PHAF1: variants seen among roughly 807,000 people sequenced by gnomAD.
The protein encoded by PHAF1 is phagosome assembly factor 1.
Under a neutral mutation model 63.1 loss-of-function variants are expected in PHAF1, and 23 were observed. The observed-to-expected ratio is 0.36, with a 90% CI of 0.26 to 0.52. The LOEUF (loss-of-function observed/expected upper bound fraction) is 0.52. Ranked by LOEUF, PHAF1 falls within the 20% of genes least tolerant of loss-of-function variation. The probability of loss-of-function intolerance (pLI) is 0.93; values close to 1 mark genes in which losing one functional copy is unlikely to be tolerated. For synonymous variants in PHAF1, 167 were observed against 185.0 expected, an observed-to-expected ratio of 0.90 and a Z score of 0.79; for missense variants, 427 against 517.2, an observed-to-expected ratio of 0.83 and a Z score of 1.69.
chr16:67,131,537 ATG>A (rs751996159), intron 4 of PHAF1, among the ~76,000 whole-genome samples: 1 of 152,250 alleles, frequency 6.6e-6, no homozygotes, highest in Non-Finnish European at 1.5e-5. Context: ...TTAACACTTC[ATG>A]TATATGTCAT....
In PHAF1 at chr16:67,110,143, A is replaced by G. The variant is rs764281860; in HGVS notation, c.-33A>G. On this transcript the variant is annotated 5_prime_UTR_variant, in exon 1 of 16. Coordinates refer to ENST00000219139, the MANE Select transcript of PHAF1 (RefSeq NM_025187.5). ...GCTCGGGTCCCTTCTGCGCTGCCGC[A>G]GGGAGGCCGCCCGGGCCAGGCGAGC... 5.8e-6 allele frequency: 9 copies of G among 1,549,850 alleles called. No individual in the cohort carries two copies. The South Asian group carries it at 1.1e-4, about 18-fold the overall frequency.
At chr16:67,144,133 C>T (rs1354160850) in intron 10 of PHAF1, among the ~76,000 whole-genome samples, 161 bp from the exon 11 acceptor site, 1 of 152,026 alleles carries the variant, frequency 6.6e-6, no homozygotes, top group African/African-American at 2.4e-5. Flanking sequence ...CTAAAAGCTG[C>T]TTGGCCTGTC....
chr16:67,117,935 C>T (rs1162422316), intron 1 of PHAF1, among the ~76,000 whole-genome samples: 1 of 149,398 alleles, frequency 6.7e-6, no homozygotes, highest in Non-Finnish European at 1.5e-5. Flanking sequence ...ATGACAGGGG[C>T]ACACCATCAT....
At chr16:67,119,579 G>A in intron 1 of PHAF1, among the ~76,000 whole-genome samples, 1 of 150,878 alleles carries the variant, frequency 6.6e-6, no homozygotes, top group Non-Finnish European at 1.5e-5. Flanking sequence ...CGAGTGCAGT[G>A]GCGTGATCTT....
intron 3 of PHAF1, among the ~76,000 whole-genome samples, chr16:67,127,413 T>G (rs542236661): frequency 6.4e-4 from 98 of 152,346 alleles, no homozygotes; most frequent in African/African-American, 2.3e-3. Flanking sequence ...AGAATCAGTA[T>G]GTGGAATTAG....
At chr16:67,130,042 T>TTTTC (rs557950919) in intron 3 of PHAF1, among the ~76,000 whole-genome samples, 55 of 151,978 alleles carry the variant, frequency 3.6e-4, no homozygotes, top group African/African-American at 3.9e-4. Context: ...AAATAAGCTA[T>TTTTC]TTTCTTTCTT....
intron 3 of PHAF1, among the ~76,000 whole-genome samples, chr16:67,128,391 A>T (rs1337055830): frequency 6.6e-6 from 1 of 152,204 alleles, no homozygotes; most frequent in African/African-American, 2.4e-5. Flanking sequence ...AGTCTTCTGG[A>T]AACTGAGCAA....
intron 1 of PHAF1, among the ~76,000 whole-genome samples, chr16:67,118,749 G>A (rs1457891783): frequency 1.3e-5 from 2 of 150,526 alleles, no homozygotes; most frequent in African/African-American, 4.9e-5. Context: ...TGATTCTGGT[G>A]GATGAGTGAT....
chr16:67,120,149 G>A lies in PHAF1; in HGVS notation c.102G>A (p.Lys34=). ...PLAQAVAILQ[K]HCRIIKNVQV... is the part of the protein sequence containing the mutation. ...CTCAGGCAGTAGCCATTCTTCAGAA[G>A]CACTGTCGCATCATCAAAAACGTCC... Residue 34 remains lysine, a synonymous_variant, in exon 2 of 16, where the codon AAG becomes AAA. Coordinates refer to ENST00000219139, the MANE Select transcript of PHAF1 (RefSeq NM_025187.5). 6.2e-7 allele frequency: 1 copy of A among 1,614,078 alleles called. No individual in the cohort carries two copies. Among genetic ancestry groups the A allele is most frequent in the Non-Finnish European group, 8.5e-7 (1 of 1,179,976 alleles).
intron 1 of PHAF1, among the ~76,000 whole-genome samples, chr16:67,116,039 T>C (rs1962720039): frequency 6.6e-6 from 1 of 152,208 alleles, no homozygotes; most frequent in African/African-American, 2.4e-5. Flanking sequence ...AGAGAAGCCA[T>C]GCGGCCTTCC....
rs2030155401 is a variant in PHAF1 at position 67,147,037 on chromosome 16, C to A, written c.1183-8C>A. On this transcript the variant is annotated splice_polypyrimidine_tract_variant and splice_region_variant and intron_variant, in intron 15 of 15. Coordinates refer to ENST00000219139, the MANE Select transcript of PHAF1 (RefSeq NM_025187.5). Reference sequence around the variant, plus strand: ...CCCCCTTGACCCACTGTCCTCTTCTCACACCAGGTCATGCAGAACAACCAC... The same window carrying A: ...CCCCCTTGACCCACTGTCCTCTTCTAACACCAGGTCATGCAGAACAACCAC... The A allele has an allele frequency of 6.2e-7, 1 of 1,612,014 alleles. No homozygotes were observed.
chr16:67,117,824 T>G (rs569424239), intron 1 of PHAF1, among the ~76,000 whole-genome samples: 4 of 149,658 alleles, frequency 2.7e-5, no homozygotes, highest in African/African-American at 9.8e-5. Flanking sequence ...TTTTTTTTTT[T>G]CCTCCTGAGA....
In PHAF1 at chr16:67,121,582, CT is replaced by C. The variant is rs763354915; in HGVS notation, c.147+1403del. Among the ~76,000 whole-genome samples, 784 of 140,124 alleles carry C rather than the reference CT, an allele frequency of 5.6e-3. 9 individuals carry two copies. The highest frequency in any genetic ancestry group is 6.3e-3 in the Non-Finnish European group (403 of 63,820). The allele number at this position is 140,124 out of a possible 152,430, so 91.9% of individuals were successfully genotyped here. A position where few individuals can be genotyped will look rare whatever the true frequency, so the allele number is the denominator to read the frequency against. On this transcript the variant is annotated intron_variant, in intron 2 of 15. Coordinates refer to ENST00000219139, the MANE Select transcript of PHAF1 (RefSeq NM_025187.5). ...CTCGTTAATTAAATTAATTTATTTA[CT>C]TTTTTTTTTTTTTTGAGACAGAGTT...
chr16:67,114,648 G>A (rs1170661673), intron 1 of PHAF1, among the ~76,000 whole-genome samples: 1 of 152,134 alleles, frequency 6.6e-6, no homozygotes, highest in Non-Finnish European at 1.5e-5. Flanking sequence ...AGAGCATGAT[G>A]TACTGGTAGA....
At chr16:67,142,246 T>C (rs1211305670) in intron 10 of PHAF1, among the ~76,000 whole-genome samples, 5 of 152,218 alleles carry the variant, frequency 3.3e-5, no homozygotes, top group Non-Finnish European at 7.3e-5. Context: ...TATTGACATC[T>C]GTCCAAGTCT....
intron 5 of PHAF1, 137 bp from the exon 6 acceptor site, chr16:67,132,680 T>C: frequency 8.4e-7 from 1 of 1,190,768 alleles, no homozygotes; most frequent in Non-Finnish European, 1.3e-6. Context: ...TCCCCCTTGT[T>C]TTCAACCTAG....
At chr16:67,121,597 T>G (rs939491966) in intron 2 of PHAF1, among the ~76,000 whole-genome samples, 1 of 151,218 alleles carries the variant, frequency 6.6e-6, no homozygotes, top group African/African-American at 2.4e-5. Flanking sequence ...TTTTTTTTTT[T>G]GAGACAGAGT....
At chr16:67,141,357 T>C (rs1265758754) in intron 10 of PHAF1, among the ~76,000 whole-genome samples, 1 of 152,304 alleles carries the variant, frequency 6.6e-6, no homozygotes, top group Admixed American at 6.5e-5. Context: ...GGAACAGTGC[T>C]GTTGCAGCTG....
At chr16:67,137,077 C>T (rs1963636325) in intron 8 of PHAF1, among the ~76,000 whole-genome samples, 1 of 152,016 alleles carries the variant, frequency 6.6e-6, no homozygotes, top group African/African-American at 2.4e-5. Context: ...ATGGCGTGAA[C>T]CCAGGAGGTG....
Sources: allele counts gnomAD v4.1 joint callset (sites outside exome capture counted in the v4.1 genomes callset), GRCh38; gene constraint gnomAD v4.1.1; transcripts MANE v1.5; gene names NCBI Gene and HGNC (gene_info 2026-07-23, HGNC 2026-07-21).